PCSK2: variants seen among roughly 807,000 people sequenced by gnomAD.
PCSK2 encodes proprotein convertase subtilisin/kexin type 2, also known as neuroendocrine convertase 2.
Under a neutral mutation model 69.7 loss-of-function variants are expected in PCSK2, and 14 were observed. The observed-to-expected ratio is 0.20, with a 90% confidence interval of 0.13 to 0.31. The LOEUF is 0.31. Among genes scored for constraint, PCSK2 ranks in the 10% least tolerant of loss-of-function variants. The pLI, the probability that PCSK2 is intolerant of heterozygous loss-of-function variation, is 1.00. For synonymous variants in PCSK2, 307 were observed against 320.7 expected, an observed-to-expected ratio of 0.96 and a Z score of 0.46; for missense variants, 544 against 842.5, an observed-to-expected ratio of 0.65 and a Z score of 4.39.
chr20:17,423,109 G>T (rs756216325), intron 6 of PCSK2, among the ~76,000 whole-genome samples: 1 of 152,136 alleles, frequency 6.6e-6, no homozygotes, highest in Non-Finnish European at 1.5e-5. Context: ...CCAAGGTTAA[G>T]GGTCATGACC....
chr20:17,311,210 T>C (rs1047386828), intron 2 of PCSK2, among the ~76,000 whole-genome samples: 1 of 152,042 alleles, frequency 6.6e-6, no homozygotes, highest in Non-Finnish European at 1.5e-5. Flanking sequence ...TAAGAAAAAA[T>C]GTTAGTTTCT....
At chr20:17,454,321 C>T (rs1426727435) in intron 9 of PCSK2, among the ~76,000 whole-genome samples, 1 of 152,164 alleles carries the variant, frequency 6.6e-6, no homozygotes, top group Non-Finnish European at 1.5e-5. Flanking sequence ...CACACTGTAA[C>T]CCTGTCTGAA....
rs1378015597 is a variant in PCSK2, at chr20:17,408,511, C to T, written c.544-752C>T. On this transcript the variant is annotated intron_variant, in intron 5 of 11. Transcript: ENST00000262545. The stretch of plus-strand genomic sequence containing the variant: ...GTGCTGGATGACAGAGAATAGTACA[C>T]TTTTGACCATATGCTGTAGGGCATA... 3.3e-5 allele frequency among the ~76,000 whole-genome samples: 5 copies of T among 152,150 alleles called. No individual in the cohort carries two copies. The East Asian group carries it at 9.6e-4, about 29-fold the overall frequency.
intron 1 of PCSK2, among the ~76,000 whole-genome samples, chr20:17,252,851 A>G (rs1192044757): frequency 6.6e-6 from 1 of 152,250 alleles, no homozygotes; most frequent in Non-Finnish European, 1.5e-5. Flanking sequence ...CTAAAATGTC[A>G]ATAAACATAT....
chr20:17,249,836 T>TG (rs141064322), intron 1 of PCSK2, among the ~76,000 whole-genome samples: 4,441 of 151,626 alleles, frequency 0.029, 116 homozygotes, highest in African/African-American at 0.073. Flanking sequence ...ATTCCAGGGC[T>TG]GGGGGGGGAA....
At position 17,315,307 on chromosome 20, in the gene PCSK2, A is replaced by G. The variant is rs1017165099; in HGVS notation, c.283-43020A>G. Among the ~76,000 whole-genome samples the G allele has an allele frequency of 3.4e-4, 49 of 142,296 alleles. 1 individual carries two copies. Among genetic ancestry groups the G allele is most frequent in the African/African-American group, 1.2e-3 (46 of 39,968 alleles). 93.4% of individuals were successfully genotyped at this position (142,296 alleles called of 152,430 possible). A position where few individuals can be genotyped will look rare whatever the true frequency, so the allele number is the denominator to read the frequency against. ...GGGTTGGCCAGAGAGTTGAATAAAGAGGAGGAAAAAAAAAAAGGAATTAGA... is the reference window on the plus strand; with the variant it reads ...GGGTTGGCCAGAGAGTTGAATAAAGGGGAGGAAAAAAAAAAAGGAATTAGA... On this transcript the variant is annotated intron_variant, in intron 2 of 11. Transcript: ENST00000262545.
intron 5 of PCSK2, among the ~76,000 whole-genome samples, chr20:17,388,654 G>C (rs2031297501): frequency 3.3e-5 from 5 of 152,066 alleles, no homozygotes; most frequent in Admixed American, 2.6e-4. Context: ...GGAGTCTTGT[G>C]CACAGGAAAT....
intron 9 of PCSK2, among the ~76,000 whole-genome samples, chr20:17,455,502 C>G (rs1486211654): frequency 2.0e-5 from 3 of 152,182 alleles, no homozygotes; most frequent in Non-Finnish European, 4.4e-5. Flanking sequence ...CAGAATCTCT[C>G]CGTGGATTTT....
intron 1 of PCSK2, among the ~76,000 whole-genome samples, chr20:17,258,761 AGTGTGT>A (rs11467589): frequency 1.3e-3 from 193 of 145,106 alleles, no homozygotes; most frequent in Admixed American, 3.5e-3. Flanking sequence ...CATAATATGT[AGTGTGT>A]GTGTGTGTGT....
intron 2 of PCSK2, among the ~76,000 whole-genome samples, chr20:17,303,444 TATATATTATATTAAATATA>T (rs1989171074): frequency 5.8e-5 from 3 of 51,514 alleles, no homozygotes; most frequent in Non-Finnish European, 1.2e-4. Context: ...TATAATATAA[TATATATTATATTAAATATA>T]ATATATATTA....
At chr20:17,478,613 A>G (rs1232688804) in intron 11 of PCSK2, among the ~76,000 whole-genome samples, 1 of 152,226 alleles carries the variant, frequency 6.6e-6, no homozygotes, top group Non-Finnish European at 1.5e-5. Context: ...TCCACTAAAT[A>G]TTGTGTACAA....
chr20:17,481,558 C>G lies in PCSK2; in HGVS notation c.1431-26C>G, dbSNP rs781053885. 3.1e-6 allele frequency: 5 copies of G among 1,604,886 alleles called. No individual in the cohort carries two copies. The African/African-American group carries it at 5.3e-5, about 17-fold the overall frequency. On this transcript the variant is annotated intron_variant, in intron 11 of 11. Transcript: ENST00000262545. ...TAAGGTGCACCCACCACTGCTTATC[C>G]TATCTCCTCTTCACTCTGCCCTCAG...
chr20:17,407,226 G>A (rs1010017858), intron 5 of PCSK2, among the ~76,000 whole-genome samples: 10 of 152,112 alleles, frequency 6.6e-5, no homozygotes, highest in African/African-American at 2.2e-4. Flanking sequence ...CTCTGAGGTT[G>A]GACATCCCAG....
chr20:17,353,917 A>T (rs74446392), intron 2 of PCSK2, among the ~76,000 whole-genome samples: 1,912 of 152,284 alleles, frequency 0.013, 14 homozygotes, highest in East Asian at 0.034. Context: ...AAATACCAGG[A>T]GTCCTCACTT....
chr20:17,430,408 T>C (rs2032340691), intron 7 of PCSK2, among the ~76,000 whole-genome samples: 1 of 152,252 alleles, frequency 6.6e-6, no homozygotes, highest in African/African-American at 2.4e-5. Flanking sequence ...ACTGTCCTGA[T>C]ATTTTCTTTT....
At chr20:17,457,515 T>A (rs1297116206) in intron 10 of PCSK2, among the ~76,000 whole-genome samples, 2 of 152,234 alleles carry the variant, frequency 1.3e-5, no homozygotes, top group African/African-American at 2.4e-5. Context: ...GACTTCTCTT[T>A]TTGGACAAGT....
rs1555796489 is a variant in PCSK2, at chr20:17,449,526, G to GTATGTATGTATATA, written c.886-4213_886-4212insGTATGTATATATAT. ...AATATACATATATATATGTATGTAT[G>GTATGTATGTATATA]TATATATATATATGTATATTTGAGA... On this transcript the variant is annotated intron_variant, in intron 8 of 11. Transcript: ENST00000262545. Among the ~76,000 whole-genome samples the GTATGTATGTATATA allele has an allele frequency of 3.1e-5, 4 of 130,684 alleles. 1 individual carries two copies. The highest frequency in any genetic ancestry group is 4.8e-5 in the Non-Finnish European group (3 of 62,356). 85.7% of individuals were successfully genotyped at this position (130,684 alleles called of 152,430 possible).
At chr20:17,464,556 T>G (rs1415592712) in intron 10 of PCSK2, 17 of 152,188 alleles carry the variant, frequency 1.1e-4, no homozygotes, top group Non-Finnish European at 2.1e-4. Flanking sequence ...TGTATCCCCT[T>G]CCAGTCACTG....
intron 7 of PCSK2, among the ~76,000 whole-genome samples, chr20:17,430,521 T>A (rs545204342): frequency 6.6e-6 from 1 of 152,222 alleles, no homozygotes; most frequent in Non-Finnish European, 1.5e-5. Context: ...TATTAACCTC[T>A]TTTCAACACT....
Sources: gnomAD v4.1 joint callset for allele counts (sites outside exome capture counted in the v4.1 genomes callset) on GRCh38, gnomAD v4.1.1 for gene constraint, MANE v1.5 for transcripts, NCBI Gene and HGNC (gene_info 2026-07-23, HGNC 2026-07-21) for gene names.